GNB1: variants seen among roughly 807,000 people sequenced by gnomAD.
GNB1 encodes the protein G protein subunit beta 1.
Under a neutral mutation model 42.9 loss-of-function variants are expected in GNB1, and 2 were observed. The observed-to-expected ratio is 0.05, with a 90% CI of 0.02 to 0.15. The LOEUF (loss-of-function observed/expected upper bound fraction) is 0.15. Ranked by LOEUF, GNB1 falls within the 10% of genes least tolerant of loss-of-function variation. GNB1 has a pLI of 1.00. For missense variants in GNB1, 193 were observed against 462.2 expected, an observed-to-expected ratio of 0.42 and a Z score of 5.34; for synonymous variants, 183 against 174.7, an observed-to-expected ratio of 1.05 and a Z score of -0.38.
Position 1,787,254 on chromosome 1 carries a change from A to T in GNB1, c.*9+68T>A, listed in dbSNP as rs1422260108. On this transcript the variant is annotated intron_variant, in intron 11 of 11. Coordinates refer to ENST00000378609, the MANE Select transcript of GNB1 (RefSeq NM_002074.5). The surrounding 1 kb of genome is among the most constrained non-coding windows in gnomAD (Gnocchi z 4.4). ...ATTTATCTAGAAACCGTTAATGACA[A>T]CTTCAAATGTTCTATGAGAAACACG... The T allele has an allele frequency of 1.2e-6, 1 of 802,922 alleles. No individual in the cohort carries two copies. The highest frequency in any genetic ancestry group is 1.7e-5 in the African/African-American group (1 of 58,164). 49.7% of individuals were successfully genotyped at this position (802,922 alleles called of 1,614,324 possible).
At chr1:1,806,849 C>G (rs1646702015) in intron 5 of GNB1, among the ~76,000 whole-genome samples, 1 of 152,104 alleles carries the variant, frequency 6.6e-6, no homozygotes, top group African/African-American at 2.4e-5. Flanking sequence ...TAGTGCGTCT[C>G]TGTAATCCCA....
At chr1:1,847,709 A>ATGC (rs1185486651) in intron 1 of GNB1, among the ~76,000 whole-genome samples, 1 of 152,102 alleles carries the variant, frequency 6.6e-6, no homozygotes, top group Non-Finnish European at 1.5e-5. Context: ...CGACGTCCAG[A>ATGC]TGCTGCGCCT....
intron 7 of GNB1, among the ~76,000 whole-genome samples, chr1:1,800,506 A>G (rs145545014): frequency 2.7e-3 from 410 of 152,308 alleles, no homozygotes; most frequent in Middle Eastern, 0.014. Flanking sequence ...ACAAATCTGA[A>G]GAAGTGGGAA....
chr1:1,851,341 C>T (rs1213074), intron 1 of GNB1, among the ~76,000 whole-genome samples: 4 of 150,716 alleles, frequency 2.7e-5, no homozygotes, highest in East Asian at 2.0e-4. Flanking sequence ...ACCCGGGAGG[C>T]GGAGGTTGCA....
At chr1:1,831,208 G>A (rs1354431666) in intron 2 of GNB1, among the ~76,000 whole-genome samples, 3 of 151,948 alleles carry the variant, frequency 2.0e-5, no homozygotes, top group African/African-American at 7.3e-5. Context: ...ATCGTGGAAC[G>A]TGCCTGTAGT....
chr1:1,858,090 G>T (rs1217007361), intron 1 of GNB1, among the ~76,000 whole-genome samples: 1 of 152,168 alleles, frequency 6.6e-6, no homozygotes, highest in Non-Finnish European at 1.5e-5. Context: ...AACAATTACA[G>T]TCCCCAAAAC....
chr1:1,877,130 G>A (rs1007221656), intron 1 of GNB1, among the ~76,000 whole-genome samples: 8 of 151,590 alleles, frequency 5.3e-5, no homozygotes, highest in East Asian at 1.9e-4. Flanking sequence ...GTGAAACCCC[G>A]TCTCTACTAA....
chr1:1,841,698 A>C (rs1355746545), intron 1 of GNB1, among the ~76,000 whole-genome samples: 2 of 152,224 alleles, frequency 1.3e-5, no homozygotes, highest in Non-Finnish European at 2.9e-5. Flanking sequence ...TCATTTACTT[A>C]AAGTAGTTTC....
At chr1:1,828,904 C>CAT (rs1647036574) in intron 2 of GNB1, among the ~76,000 whole-genome samples, 1 of 151,830 alleles carries the variant, frequency 6.6e-6, no homozygotes, top group Non-Finnish European at 1.5e-5. Context: ...TACACACACA[C>CAT]ACACACACAA....
At chr1:1,829,657 C>T (rs543710678) in intron 2 of GNB1, among the ~76,000 whole-genome samples, 2 of 152,170 alleles carry the variant, frequency 1.3e-5, no homozygotes, top group South Asian at 2.1e-4. Context: ...AGACAGTGAA[C>T]GAAACAAAAA....
chr1:1,872,936 G>C (rs1649329276), intron 1 of GNB1, among the ~76,000 whole-genome samples: 1 of 152,160 alleles, frequency 6.6e-6, no homozygotes, highest in South Asian at 2.1e-4. Context: ...CCTAAAGCAG[G>C]AAGTTCTTGA....
At chr1:1,825,928 A>T (rs926087045) in intron 2 of GNB1, among the ~76,000 whole-genome samples, 1 of 152,138 alleles carries the variant, frequency 6.6e-6, no homozygotes, top group Admixed American at 6.5e-5. Flanking sequence ...ACTTTTCTTC[A>T]GCATTCATCA....
chr1:1,850,233 C>T (rs1221300298), intron 1 of GNB1, among the ~76,000 whole-genome samples: 2 of 151,880 alleles, frequency 1.3e-5, no homozygotes, highest in Non-Finnish European at 2.9e-5. Context: ...CAGGTTCAAG[C>T]GATTCTCCTG....
intron 7 of GNB1, among the ~76,000 whole-genome samples, chr1:1,797,807 T>A (rs1646566570): frequency 6.6e-6 from 1 of 152,190 alleles, no homozygotes; most frequent in South Asian, 2.1e-4. Context: ...CTGGAGAACA[T>A]CCCTGTTGGG....
At chr1:1,840,539 G>GCACACACA (rs111435979) in intron 1 of GNB1, among the ~76,000 whole-genome samples, 1 of 151,396 alleles carries the variant, frequency 6.6e-6, no homozygotes, top group Non-Finnish European at 1.5e-5. Flanking sequence ...AAACACACAC[G>GCACACACA]CACACACACA....
chr1:1,879,587 C>T (rs1570755421), intron 1 of GNB1, among the ~76,000 whole-genome samples: 1 of 152,040 alleles, frequency 6.6e-6, no homozygotes, highest in East Asian at 1.9e-4. Flanking sequence ...CACCTGTAGT[C>T]CCAGCTATTC....
chr1:1,801,791 A>G (rs1646630005), intron 7 of GNB1, among the ~76,000 whole-genome samples: 1 of 152,208 alleles, frequency 6.6e-6, no homozygotes, highest in South Asian at 2.1e-4. Context: ...TAAGAAATAT[A>G]AATGTGCAAA....
At chr1:1,801,507 G>A (rs537988127) in intron 7 of GNB1, among the ~76,000 whole-genome samples, 1 of 152,232 alleles carries the variant, frequency 6.6e-6, no homozygotes, top group African/African-American at 2.4e-5. Flanking sequence ...AGTTCCTTAC[G>A]TTTCCTATCA....
chr1:1,847,471 A>C (rs915685049), intron 1 of GNB1, among the ~76,000 whole-genome samples: 7 of 152,168 alleles, frequency 4.6e-5, no homozygotes, highest in African/African-American at 1.4e-4. Context: ...ACTTACCCCC[A>C]AACACAGCAC....
Sources: allele counts gnomAD v4.1 joint callset (sites outside exome capture counted in the v4.1 genomes callset), GRCh38; gene constraint gnomAD v4.1.1; non-coding constraint Gnocchi (gnomAD v3.1); transcripts MANE v1.5; gene names NCBI Gene and HGNC (gene_info 2026-07-23, HGNC 2026-07-21).